ADAM12: variants seen among roughly 807,000 people sequenced by gnomAD.
ADAM12 encodes the protein disintegrin and metalloproteinase domain-containing protein 12.
Under a neutral mutation model 106.4 loss-of-function variants are expected in ADAM12, and 70 were observed. That is an observed-to-expected ratio of 0.66 (90% CI 0.54 to 0.80). The LOEUF is 0.80. Ranked by LOEUF, ADAM12 falls within the 30% of genes least tolerant of loss-of-function variation. The pLI is 0.00. For missense variants in ADAM12, 1,010 were observed against 1,171.9 expected, an observed-to-expected ratio of 0.86 and a Z score of 2.02; for synonymous variants, 420 against 433.5, an observed-to-expected ratio of 0.97 and a Z score of 0.39.
intron 3 of ADAM12, among the ~76,000 whole-genome samples, chr10:126,163,955 T>C (rs1956980883): frequency 1.3e-5 from 2 of 152,194 alleles, no homozygotes; most frequent in African/African-American, 4.8e-5. Context: ...AAAAGAAATA[T>C]GCTTCAAATT....
chr10:126,373,060 A>G (rs767395786), intron 1 of ADAM12, among the ~76,000 whole-genome samples: 43 of 152,232 alleles, frequency 2.8e-4, no homozygotes, highest in Non-Finnish European at 5.1e-4. Flanking sequence ...CTGTAGATAA[A>G]TTAGTGGAGA....
chr10:126,342,938 G>A (rs1464704893), intron 1 of ADAM12, among the ~76,000 whole-genome samples: 1 of 152,034 alleles, frequency 6.6e-6, no homozygotes, highest in African/African-American at 2.4e-5. Flanking sequence ...GCATGGGCAG[G>A]GTTCCCTCCT....
intron 1 of ADAM12, among the ~76,000 whole-genome samples, chr10:126,347,799 G>A (rs1177212988): frequency 1.3e-5 from 2 of 152,064 alleles, no homozygotes; most frequent in Non-Finnish European, 2.9e-5. Flanking sequence ...GAAACTTTAT[G>A]TGTTAAGAAT....
At chr10:126,213,678 T>C (rs905356338) in intron 3 of ADAM12, among the ~76,000 whole-genome samples, 19 of 152,214 alleles carry the variant, frequency 1.2e-4, no homozygotes, top group African/African-American at 4.6e-4. Context: ...AATCTCCATG[T>C]GACTAAAACT....
chr10:126,052,441 ATAAAG>A (rs1274981460), intron 14 of ADAM12, among the ~76,000 whole-genome samples: 2 of 152,250 alleles, frequency 1.3e-5, no homozygotes, highest in Admixed American at 6.5e-5. Flanking sequence ...TACCTTTATT[ATAAAG>A]TAATTTCTTT....
intron 11 of ADAM12, among the ~76,000 whole-genome samples, chr10:126,081,577 T>C (rs1001300887): frequency 6.6e-6 from 1 of 152,326 alleles, no homozygotes; most frequent in Middle Eastern, 3.4e-3. Context: ...CAGGAGGCTC[T>C]TCTTTACCTG....
chr10:126,024,741 CAAATA>C (rs1301112296), intron 21 of ADAM12, among the ~76,000 whole-genome samples: 15 of 149,060 alleles, frequency 1.0e-4, no homozygotes, highest in East Asian at 9.9e-4. Flanking sequence ...CAATCAAGGA[CAAATA>C]AAATAAATGG....
intron 3 of ADAM12, among the ~76,000 whole-genome samples, chr10:126,171,548 C>T (rs1957120652): frequency 6.6e-6 from 1 of 152,238 alleles, no homozygotes; most frequent in African/African-American, 2.4e-5. Context: ...TCTTACAGCA[C>T]TAGGCTAGAG....
chr10:126,111,821 G>A (rs377651035), intron 6 of ADAM12, among the ~76,000 whole-genome samples: 10 of 152,226 alleles, frequency 6.6e-5, no homozygotes, highest in Non-Finnish European at 1.3e-4. Context: ...GGCTCAGGGC[G>A]GAGGTTTATT....
intron 11 of ADAM12, among the ~76,000 whole-genome samples, chr10:126,091,340 C>T (rs962436500): frequency 3.9e-5 from 6 of 152,188 alleles, no homozygotes; most frequent in African/African-American, 7.2e-5. Context: ...AAAACTCCAC[C>T]ACGGGTGATG....
intron 14 of ADAM12, among the ~76,000 whole-genome samples, chr10:126,054,875 G>A (rs1170089182): frequency 1.3e-5 from 2 of 152,056 alleles, no homozygotes; most frequent in African/African-American, 4.8e-5. Flanking sequence ...GGGTGTGTGT[G>A]GGGAGAAGAG....
intron 3 of ADAM12, among the ~76,000 whole-genome samples, chr10:126,219,919 G>A (rs955938710): frequency 6.6e-6 from 1 of 152,154 alleles, no homozygotes; most frequent in Non-Finnish European, 1.5e-5. Context: ...AATCATATTT[G>A]TCCAAACAAG....
chr10:126,355,667 A>G (rs535571985), intron 1 of ADAM12, among the ~76,000 whole-genome samples: 1 of 152,336 alleles, frequency 6.6e-6, no homozygotes, highest in South Asian at 2.1e-4. Context: ...AGAAGCAGAC[A>G]TCTAGCTTCT....
chr10:126,309,709 G>A (rs1401689540), intron 2 of ADAM12, among the ~76,000 whole-genome samples: 2 of 152,188 alleles, frequency 1.3e-5, no homozygotes, highest in African/African-American at 4.8e-5. Flanking sequence ...AGCTTTGGAG[G>A]AGCAGAGAAA....
At chr10:126,048,055 T>G (rs952688792) in intron 16 of ADAM12, among the ~76,000 whole-genome samples, 1 of 152,184 alleles carries the variant, frequency 6.6e-6, no homozygotes, top group African/African-American at 2.4e-5. Flanking sequence ...GAAAACCAAC[T>G]ACCACATGTT....
rs761533812 is a variant in ADAM12, at chr10:126,118,213, A to G, written c.428T>C (p.Val143Ala). The stretch of plus-strand genomic sequence containing the variant: ...TAAGACATAGCTTTCATTTTCAAAC[A>G]CAATAAGTCCCCTGTTGAAAAAGAA... ...STCSGLRGLI[V>A]FENESYVLEP... The change falls in exon 6 of 23, where the codon GTG becomes GCG. Residue 143 changes from valine to alanine, a missense_variant. Physicochemically the swap from Val to Ala is moderately conservative, Grantham distance 64. Around this residue, in one of 3 missense-constraint regions of ADAM12, gnomAD observed 391 missense variants for 442.9 expected, o/e 0.88. Transcript: ENST00000448723. The G allele has an allele frequency of 1.2e-6, 2 of 1,613,238 alleles. No individual in the cohort carries two copies. The highest frequency in any genetic ancestry group is 1.7e-6 in the Non-Finnish European group (2 of 1,179,318).
chr10:126,323,574 A>G (rs1391596620), intron 2 of ADAM12, among the ~76,000 whole-genome samples: 1 of 152,222 alleles, frequency 6.6e-6, no homozygotes. Flanking sequence ...TCAGTCAACA[A>G]GCATCCTGCA....
At chr10:126,146,812 TCTGGCCCAGATAGTCA>T (rs1349798233) in intron 4 of ADAM12, among the ~76,000 whole-genome samples, 1 of 152,172 alleles carries the variant, frequency 6.6e-6, no homozygotes, top group African/African-American at 2.4e-5. Context: ...CCCCCACGCC[TCTGGCCCAGATAGTCA>T]CTGCGCACCT....
intron 14 of ADAM12, among the ~76,000 whole-genome samples, chr10:126,060,346 G>T (rs182273500): frequency 6.6e-6 from 1 of 152,296 alleles, no homozygotes; most frequent in Admixed American, 6.5e-5. Context: ...GTCAGTGTTT[G>T]GGTCGCCAGA....
Sources: gnomAD v4.1 joint callset for allele counts (sites outside exome capture counted in the v4.1 genomes callset) on GRCh38, gnomAD v4.1.1 for gene constraint, gnomAD v4.1.1 regional missense constraint, MANE v1.5 for transcripts, NCBI Gene and HGNC (gene_info 2026-07-23, HGNC 2026-07-21) for gene names.